The following NCOR1 variants were observed in gnomAD, a reference collection of about 807,000 sequenced individuals.
NCOR1 encodes the protein nuclear receptor corepressor 1.
NCOR1 carries 63 observed loss-of-function variants against 288.1 expected under a neutral mutation model. The observed-to-expected ratio is 0.22, with a 90% CI of 0.18 to 0.27. The LOEUF is 0.27. Ranked by LOEUF, NCOR1 falls within the 10% of genes least tolerant of loss-of-function variation. The probability of loss-of-function intolerance (pLI) is 1.00; values close to 1 mark genes in which losing one functional copy is unlikely to be tolerated. For missense variants in NCOR1, 2,397 were observed against 3,019.2 expected, an observed-to-expected ratio of 0.79 and a Z score of 4.83; for synonymous variants, 1,007 against 1,065.9, an observed-to-expected ratio of 0.94 and a Z score of 1.08.
chr17:16,151,542 G>A, intron 8 of NCOR1: 1 of 1,278,712 alleles, frequency 7.8e-7, no homozygotes, highest in Non-Finnish European at 1.0e-6. Context: ...GGCTTGGTGG[G>A]GGACGGTGTC....
Position 16,117,090 on chromosome 17 carries a change from A to G in NCOR1, c.2055+798T>C, listed in dbSNP as rs561456658. On this transcript the variant is annotated intron_variant, in intron 18 of 45. Coordinates refer to ENST00000268712, the MANE Select transcript of NCOR1 (RefSeq NM_006311.4). ...ACCACTACACTGGAACTTACTTATT[A>G]AGGAATTTCCAATAATGTTATACTC... Among the ~76,000 whole-genome samples the G allele has an allele frequency of 4.6e-5, 7 of 152,318 alleles. No individual in the cohort carries two copies. In the South Asian group the frequency reaches 1.4e-3, roughly 32 times the overall value.
At chr17:16,056,095 T>G (rs2059883443) in intron 40 of NCOR1, among the ~76,000 whole-genome samples, 1 of 118,624 alleles carries the variant, frequency 8.4e-6, no homozygotes, top group South Asian at 2.5e-4. Context: ...AGAAGACCAT[T>G]TAGCTTCTTA....
At position 16,070,533 on chromosome 17, in the gene NCOR1, G is replaced by T. The variant is rs771131151; in HGVS notation, c.4153-8C>A. The T allele has an allele frequency of 6.2e-6, 10 of 1,609,130 alleles. No individual in the cohort carries two copies. The South Asian group carries it at 1.0e-4, about 16-fold the overall frequency. On this transcript the variant is annotated splice_region_variant and splice_polypyrimidine_tract_variant and intron_variant, in intron 30 of 45. Transcript: ENST00000268712. ...AAACTTTATTGGTGTGCCCTAAAGG[G>T]AAAGAAACAAACATTACAGGTAGCA...
At position 16,075,440 on chromosome 17, in the gene NCOR1, C is replaced by A. The variant is rs935239322; in HGVS notation, c.3670+94G>T. On this transcript the variant is annotated intron_variant, in intron 27 of 45. Transcript: ENST00000268712. Reference sequence around the variant, plus strand: ...AAAACATAGGCTCAGCAAAGATAAACTGACTCCCAGAGAGCAGAAATGCGG... The same window carrying A: ...AAAACATAGGCTCAGCAAAGATAAAATGACTCCCAGAGAGCAGAAATGCGG... 3 of 1,366,916 alleles carry A rather than the reference C, an allele frequency of 2.2e-6. No individual in the cohort carries two copies. In the African/African-American group the frequency reaches 4.3e-5, roughly 20 times the overall value. The allele number at this position is 1,366,916 out of a possible 1,614,324, so 84.7% of individuals were successfully genotyped here. A position where few individuals can be genotyped will look rare whatever the true frequency, so the allele number is the denominator to read the frequency against.
chr17:16,127,581 ATG>A (rs1269800707), intron 14 of NCOR1, among the ~76,000 whole-genome samples: 2 of 143,390 alleles, frequency 1.4e-5, no homozygotes, highest in African/African-American at 5.3e-5. Flanking sequence ...ATATATACAT[ATG>A]TGTATATATG....
intron 35 of NCOR1, 121 bp from the exon 36 acceptor site, chr17:16,062,391 T>A (rs1265260191): frequency 4.3e-6 from 4 of 930,784 alleles, no homozygotes; most frequent in African/African-American, 1.7e-5. Context: ...AAAAACAAGA[T>A]AAGAAACTTG....
intron 23 of NCOR1, chr17:16,083,942 AAAGAG>A (rs897938228): frequency 2.2e-4 from 33 of 152,326 alleles, no homozygotes; most frequent in African/African-American, 7.0e-4. Flanking sequence ...AAAGAAAAAA[AAAGAG>A]AAGAGAAGAG....
At chr17:16,163,167 A>C (rs2081226980) in intron 5 of NCOR1, among the ~76,000 whole-genome samples, 1 of 152,166 alleles carries the variant, frequency 6.6e-6, no homozygotes, top group African/African-American at 2.4e-5. Context: ...AGGAAAAAAC[A>C]AACTGGACTT....
At chr17:16,201,039 A>C (rs576286759) in intron 1 of NCOR1, among the ~76,000 whole-genome samples, 1 of 152,310 alleles carries the variant, frequency 6.6e-6, no homozygotes, top group African/African-American at 2.4e-5. Flanking sequence ...AAATAAACTA[A>C]AGCATTCTTC....
At chr17:16,120,964 T>C (rs2072888338) in intron 16 of NCOR1, 88 bp downstream of exon 16, 2 of 1,189,074 alleles carry the variant, frequency 1.7e-6, no homozygotes. Flanking sequence ...AGGTTGTCAA[T>C]ATTAAAAGTC....
intron 6 of NCOR1, among the ~76,000 whole-genome samples, chr17:16,155,343 T>C (rs1340953787): frequency 2.6e-5 from 3 of 114,354 alleles, no homozygotes; most frequent in African/African-American, 7.0e-5. Context: ...AGAACAAGAC[T>C]GTGTCTCAAA....
intron 38 of NCOR1, 32 bp from the exon 39 acceptor site, chr17:16,058,096 G>A (rs1336065764): frequency 6.2e-7 from 1 of 1,607,188 alleles, no homozygotes; most frequent in Non-Finnish European, 8.5e-7. Context: ...TCTTACTCCA[G>A]GAATGTCTGT....
intron 8 of NCOR1, among the ~76,000 whole-genome samples, chr17:16,151,176 C>T (rs1295791134): frequency 6.7e-6 from 1 of 149,912 alleles, no homozygotes; most frequent in Non-Finnish European, 1.5e-5. Context: ...AAGAATAATG[C>T]ACCTAAAATT....
At chr17:16,204,084 T>C (rs1568669523) in intron 1 of NCOR1, among the ~76,000 whole-genome samples, 1 of 152,172 alleles carries the variant, frequency 6.6e-6, no homozygotes, top group Admixed American at 6.5e-5. Flanking sequence ...ATTTAAAGTA[T>C]ATGGTAATCA....
rs749371501 is a variant in NCOR1, at chr17:16,171,839, C to T, written c.399G>A (p.Leu133=). 30 of 1,609,936 alleles carry T rather than the reference C, an allele frequency of 1.9e-5. No individual in the cohort carries two copies. The East Asian group carries it at 5.8e-4, about 31-fold the overall frequency. ...SAAVLPLVHP[L]PEGLRASADA... ...CTGCAGAAGCCCTCAGCCCTTCTGG[C>T]AGCGGGTGCACTAAAGGCAAAACCG... Residue 133 remains leucine, a synonymous_variant, in exon 4 of 46, where the codon CTG becomes CTA. Coordinates refer to ENST00000268712, the MANE Select transcript of NCOR1 (RefSeq NM_006311.4).
chr17:16,118,154 TA>T, intron 17 of NCOR1, 127 bp from the exon 18 acceptor site: 1 of 895,172 alleles, frequency 1.1e-6, no homozygotes, highest in South Asian at 2.0e-5. Context: ...TTCAATTACT[TA>T]TCATATATAC....
intron 2 of NCOR1, among the ~76,000 whole-genome samples, chr17:16,187,780 G>A (rs1288522834): frequency 1.3e-5 from 2 of 151,544 alleles, no homozygotes; most frequent in Non-Finnish European, 2.9e-5. Flanking sequence ...ATTGTGGCAC[G>A]TCCCGGCTAC....
At chr17:16,114,135 G>T (rs2070969680) in intron 18 of NCOR1, among the ~76,000 whole-genome samples, 1 of 106,802 alleles carries the variant, frequency 9.4e-6, no homozygotes, top group Non-Finnish European at 2.0e-5. Flanking sequence ...TTACATGATG[G>T]CGGCAGGCAA....
At chr17:16,032,591 T>C in intron 45 of NCOR1, 108 bp from the exon 46 acceptor site, 1 of 1,103,108 alleles carries the variant, frequency 9.1e-7, no homozygotes, top group East Asian at 2.6e-5. Flanking sequence ...AATGGTCATG[T>C]GACACCATGA....
Sources: allele counts gnomAD v4.1 joint callset (sites outside exome capture counted in the v4.1 genomes callset), GRCh38; gene constraint gnomAD v4.1.1; transcripts MANE v1.5; gene names NCBI Gene and HGNC (gene_info 2026-07-23, HGNC 2026-07-21).